IL1RAPL2: variants seen among roughly 807,000 people sequenced by gnomAD.
IL1RAPL2 encodes interleukin 1 receptor accessory protein like 2.
IL1RAPL2 carries 3 observed loss-of-function variants against 44.1 expected under a neutral mutation model. That is an observed-to-expected ratio of 0.07 (90% CI 0.03 to 0.18). The LOEUF is 0.18. IL1RAPL2 is among the 10% of genes least tolerant of loss of function. The pLI, the probability that IL1RAPL2 is intolerant of heterozygous loss-of-function variation, is 1.00. For missense variants in IL1RAPL2, 391 were observed against 496.4 expected (o/e 0.79, Z 2.02); for synonymous variants, 181 against 178.8 (o/e 1.01, Z -0.10).
chrX:105,000,271 G>A (rs2030828473), intron 2 of IL1RAPL2, among the ~76,000 whole-genome samples: 1 of 112,082 alleles, frequency 8.9e-6, no homozygotes, highest in Non-Finnish European at 1.9e-5. Context: ...CTATGGAATT[G>A]TAATTAGAAG....
chrX:105,648,257 T>C lies in IL1RAPL2; in HGVS notation c.773-69110T>C, dbSNP rs2037620034. Among the ~76,000 whole-genome samples the C allele has an allele frequency of 2.7e-5, 3 of 111,574 alleles. No individual in the cohort carries two copies. In the South Asian group the frequency reaches 1.1e-3, roughly 42 times the overall value. On this transcript the variant is annotated intron_variant, in intron 6 of 10. Transcript: ENST00000372582. ...TACAAAAGGGAATCAGGAATTTTTC[T>C]AGTACCCAGAATTGTATTGTTCTTT...
intron 6 of IL1RAPL2, among the ~76,000 whole-genome samples, chrX:105,534,070 A>G (rs1207526257): frequency 2.7e-5 from 3 of 112,198 alleles, no homozygotes; most frequent in Non-Finnish European, 5.6e-5. Flanking sequence ...ATATACCTTC[A>G]AAGTAAATTC....
chrX:104,738,863 C>T (rs1932058057), intron 2 of IL1RAPL2, among the ~76,000 whole-genome samples: 1 of 111,793 alleles, frequency 8.9e-6, no homozygotes, highest in African/African-American at 3.3e-5. Flanking sequence ...CCGCTTCAGC[C>T]CTGGAGTTTG....
chrX:105,553,324 G>A (rs2036872558), intron 6 of IL1RAPL2, among the ~76,000 whole-genome samples: 1 of 112,010 alleles, frequency 8.9e-6, no homozygotes, highest in African/African-American at 3.2e-5. Context: ...GAAACCACCT[G>A]AAGGAGGGCA....
chrX:105,628,178 T>C (rs1174231154), intron 6 of IL1RAPL2, among the ~76,000 whole-genome samples: 2 of 111,760 alleles, frequency 1.8e-5, no homozygotes, highest in African/African-American at 6.5e-5. Flanking sequence ...TTTTTTTTCT[T>C]TTTCTTTTTT....
At chrX:105,016,914 A>G (rs1444586443) in intron 2 of IL1RAPL2, among the ~76,000 whole-genome samples, 3 of 111,245 alleles carry the variant, frequency 2.7e-5, no homozygotes, top group African/African-American at 9.8e-5. Context: ...TGTACCTCAG[A>G]TAGAATTTGG....
chrX:105,418,912 C>G (rs1213490453), intron 5 of IL1RAPL2, among the ~76,000 whole-genome samples: 1 of 112,230 alleles, frequency 8.9e-6, no homozygotes, highest in East Asian at 2.8e-4. Context: ...GGATCATATG[C>G]TTTGTCATCC....
At chrX:105,015,037 G>C (rs2031144558) in intron 2 of IL1RAPL2, among the ~76,000 whole-genome samples, 1 of 111,595 alleles carries the variant, frequency 9.0e-6, no homozygotes, top group Non-Finnish European at 1.9e-5. Context: ...TCTCATTGTG[G>C]TTTTGATTTG....
At chrX:105,470,908 T>A (rs1037858293) in intron 5 of IL1RAPL2, among the ~76,000 whole-genome samples, 1 of 111,596 alleles carries the variant, frequency 9.0e-6, no homozygotes, top group Non-Finnish European at 1.9e-5. Context: ...ACTTCTTCCC[T>A]TCGGTACCTG....
At chrX:104,946,281 G>A (rs1401436464) in intron 2 of IL1RAPL2, among the ~76,000 whole-genome samples, 20 of 93,837 alleles carry the variant, frequency 2.1e-4, no homozygotes, top group Admixed American at 1.4e-3. Flanking sequence ...GCTGAGGCAG[G>A]AGAATGGCGT....
rs144577039 is a variant in IL1RAPL2, at chrX:105,326,361, T to C, written c.697+58820T>C. ...CATGAGCCATGGTACTTGGCCTGTCTTCTTTTTTTTTAATGGTAACTTTCG... is the reference window on the plus strand; with the variant it reads ...CATGAGCCATGGTACTTGGCCTGTCCTCTTTTTTTTTAATGGTAACTTTCG... On this transcript the variant is annotated intron_variant, in intron 5 of 10. Transcript: ENST00000372582. Among the ~76,000 whole-genome samples, 596 of 111,669 alleles carry C rather than the reference T, an allele frequency of 5.3e-3. 5 individuals carry two copies. Among genetic ancestry groups the C allele is most frequent in the African/African-American group, 0.018 (557 of 30,711 alleles).
At chrX:105,747,448 TTCTCTCTC>T (rs746410456) in intron 8 of IL1RAPL2, among the ~76,000 whole-genome samples, 36 of 84,633 alleles carry the variant, frequency 4.3e-4, no homozygotes, top group Non-Finnish European at 4.7e-4. Context: ...TGATTGGCTG[TTCTCTCTC>T]TCTCTCTCTC....
chrX:105,039,605 T>C (rs1347799957), intron 2 of IL1RAPL2, among the ~76,000 whole-genome samples: 1 of 111,731 alleles, frequency 9.0e-6, no homozygotes, highest in African/African-American at 3.3e-5. Context: ...TCACGTCCCT[T>C]GTAAGGTGGA....
chrX:104,786,476 G>C (rs769989369), intron 2 of IL1RAPL2, among the ~76,000 whole-genome samples: 2 of 111,780 alleles, frequency 1.8e-5, no homozygotes, highest in Non-Finnish European at 3.8e-5. Flanking sequence ...TTGAATTCCT[G>C]TAGAACCTCT....
At chrX:105,701,799 A>T (rs1263577542) in intron 6 of IL1RAPL2, among the ~76,000 whole-genome samples, 1 of 111,527 alleles carries the variant, frequency 9.0e-6, no homozygotes, top group East Asian at 2.8e-4. Flanking sequence ...GTTGTTGTTG[A>T]TGGTTGTTTG....
At chrX:105,661,128 G>A (rs746304052) in intron 6 of IL1RAPL2, among the ~76,000 whole-genome samples, 8 of 111,755 alleles carry the variant, frequency 7.2e-5, no homozygotes, top group Admixed American at 3.8e-4. Context: ...AAAAGAGCAG[G>A]AGTAGCTATC....
At chrX:104,606,865 T>C (rs1929025818) in intron 1 of IL1RAPL2, among the ~76,000 whole-genome samples, 1 of 111,923 alleles carries the variant, frequency 8.9e-6, no homozygotes, top group African/African-American at 3.2e-5. Flanking sequence ...ACTGACTTTC[T>C]TAATAGAATT....
chrX:105,270,735 T>C (rs770013871), intron 5 of IL1RAPL2, among the ~76,000 whole-genome samples: 2 of 111,777 alleles, frequency 1.8e-5, no homozygotes, highest in African/African-American at 6.5e-5. Flanking sequence ...TGCTCAATAA[T>C]ATGAAAACAA....
intron 2 of IL1RAPL2, among the ~76,000 whole-genome samples, chrX:104,924,348 G>A (rs745715981): frequency 5.4e-5 from 6 of 111,506 alleles, no homozygotes; most frequent in Non-Finnish European, 1.1e-4. Flanking sequence ...TTGACCAAAT[G>A]GACCTAACAG....
Sources: allele counts gnomAD v4.1 joint callset (sites outside exome capture counted in the v4.1 genomes callset), GRCh38; gene constraint gnomAD v4.1.1; transcripts MANE v1.5; gene names NCBI Gene and HGNC (gene_info 2026-07-23, HGNC 2026-07-21).